Variants in KLF12 observed in about 807,000 individuals in gnomAD.
KLF12 encodes KLF transcription factor 12.
Under a neutral mutation model 37.8 loss-of-function variants are expected in KLF12, and 9 were observed. That is an observed-to-expected ratio of 0.24 (90% confidence interval 0.14 to 0.42). The LOEUF (loss-of-function observed/expected upper bound fraction) is 0.42, where lower values mean the gene tolerates loss of function less well. Ranked by LOEUF, KLF12 falls within the 10% of genes least tolerant of loss-of-function variation. The probability of loss-of-function intolerance (pLI) is 1.00; values close to 1 mark genes in which losing one functional copy is unlikely to be tolerated. For missense variants in KLF12, 411 were observed against 516.0 expected, an observed-to-expected ratio of 0.80 and a Z score of 1.97; for synonymous variants, 208 against 202.1, an observed-to-expected ratio of 1.03 and a Z score of -0.25.
intron 3 of KLF12, among the ~76,000 whole-genome samples, chr13:73,879,711 T>G (rs1392996161): frequency 1.3e-5 from 2 of 152,150 alleles, no homozygotes; most frequent in Non-Finnish European, 2.9e-5. Context: ...CAACACAATC[T>G]CTACAACAGA....
intron 1 of KLF12, among the ~76,000 whole-genome samples, chr13:74,059,246 A>G (rs191713294): frequency 1.3e-5 from 2 of 152,342 alleles, no homozygotes; most frequent in East Asian, 3.9e-4. Context: ...TGCGATAAAC[A>G]CACAAGAGCA....
At chr13:74,045,628 GA>G (rs71115631) in intron 1 of KLF12, among the ~76,000 whole-genome samples, 104,729 of 146,650 alleles carry the variant, frequency 0.71, 37,103 homozygotes, top group East Asian at 0.9. Flanking sequence ...TGACGAAAAT[GA>G]AAAAAAAAAA....
At chr13:74,192,954 C>T in the KLF12 span, among the ~76,000 whole-genome samples, 2 of 151,212 alleles carry the variant, frequency 1.3e-5, no homozygotes, top group Admixed American at 1.3e-4. Context: ...AGATTGAAAG[C>T]TCTTTCTTTT....
chr13:73,796,507 C>CTGTGTGTGTGTG (rs5804694), intron 5 of KLF12, among the ~76,000 whole-genome samples: 4,901 of 140,260 alleles, frequency 0.035, 111 homozygotes, highest in Middle Eastern at 0.061. Context: ...TGCCCCTGTG[C>CTGTGTGTGTGTG]TGTGTGTGTG....
intron 5 of KLF12, among the ~76,000 whole-genome samples, chr13:73,795,962 C>T (rs1183511146): frequency 1.3e-5 from 2 of 152,188 alleles, no homozygotes; most frequent in Non-Finnish European, 2.9e-5. Flanking sequence ...AAAAATAACT[C>T]TGGCATATAC....
intron 6 of KLF12, among the ~76,000 whole-genome samples, chr13:73,720,009 G>C (rs538027917): frequency 4.6e-5 from 7 of 152,194 alleles, no homozygotes; most frequent in African/African-American, 1.2e-4. Flanking sequence ...CTAAGTTCAA[G>C]AGCAGTGTGT....
chr13:74,293,491 A>G, the KLF12 span, among the ~76,000 whole-genome samples: 20 of 152,198 alleles, frequency 1.3e-4, no homozygotes, highest in Non-Finnish European at 2.6e-4. Flanking sequence ...ACACCTACAC[A>G]CATATTAATA....
At chr13:73,767,854 A>G (rs1315733841) in intron 5 of KLF12, among the ~76,000 whole-genome samples, 1 of 152,192 alleles carries the variant, frequency 6.6e-6, no homozygotes, top group African/African-American at 2.4e-5. Flanking sequence ...TAGTTAATCA[A>G]GAGAATACCA....
At chr13:74,013,579 T>C (rs1892605123) in intron 1 of KLF12, among the ~76,000 whole-genome samples, 1 of 152,202 alleles carries the variant, frequency 6.6e-6, no homozygotes, top group South Asian at 2.1e-4. Flanking sequence ...TGATATGTGT[T>C]GTACCATTCT....
the KLF12 span, among the ~76,000 whole-genome samples, chr13:74,201,153 G>C: frequency 6.6e-6 from 1 of 152,134 alleles, no homozygotes; most frequent in African/African-American, 2.4e-5. Flanking sequence ...ATCAAATAGA[G>C]AGCCTATTAG....
At chr13:74,009,130 C>T (rs1892484886) in intron 1 of KLF12, among the ~76,000 whole-genome samples, 1 of 152,136 alleles carries the variant, frequency 6.6e-6, no homozygotes. Flanking sequence ...AAGCACAGTT[C>T]AATAAAGCAC....
chr13:74,207,683 A>G, the KLF12 span, among the ~76,000 whole-genome samples: 1 of 152,116 alleles, frequency 6.6e-6, no homozygotes, highest in South Asian at 2.1e-4. Context: ...AAAAACAAAA[A>G]CAAAACAAAA....
chr13:74,273,459 T>C, the KLF12 span, among the ~76,000 whole-genome samples: 1 of 150,922 alleles, frequency 6.6e-6, no homozygotes, highest in Non-Finnish European at 1.5e-5. Flanking sequence ...TTTTTTTTTT[T>C]CTGGAGCATG....
intron 5 of KLF12, among the ~76,000 whole-genome samples, chr13:73,793,252 T>C (rs917486860): frequency 6.6e-6 from 1 of 152,222 alleles, no homozygotes; most frequent in Non-Finnish European, 1.5e-5. Flanking sequence ...GTCAGATGTG[T>C]GTGCGGTCTG....
intron 1 of KLF12, among the ~76,000 whole-genome samples, chr13:74,010,381 G>C (rs1352413392): frequency 2.0e-5 from 3 of 152,194 alleles, no homozygotes; most frequent in Non-Finnish European, 2.9e-5. Context: ...AATAATTGCA[G>C]AGTTCAGAGG....
At chr13:74,138,168 A>G (rs1338490182), upstream of KLF12, among the ~76,000 whole-genome samples, 2 of 152,272 alleles carry the variant, frequency 1.3e-5, no homozygotes, top group African/African-American at 4.8e-5. Context: ...GCTTTGGATT[A>G]GTGAAACCAT....
chr13:73,828,447 T>C (rs1883965661), intron 4 of KLF12, among the ~76,000 whole-genome samples: 1 of 152,234 alleles, frequency 6.6e-6, no homozygotes, highest in Non-Finnish European at 1.5e-5. Flanking sequence ...TTTTCTTTCA[T>C]GTTTTTGTCA....
At chr13:73,817,329 G>GAAAAA (rs1384942838) in intron 4 of KLF12, among the ~76,000 whole-genome samples, 5 of 82,070 alleles carry the variant, frequency 6.1e-5, no homozygotes, top group African/African-American at 2.2e-4. Context: ...AAAAAAAAAA[G>GAAAAA]AAAAGAAAAA....
At chr13:74,122,903 T>C (rs764448943) in intron 1 of KLF12, among the ~76,000 whole-genome samples, 4 of 139,266 alleles carry the variant, frequency 2.9e-5, no homozygotes, top group Non-Finnish European at 4.6e-5. Flanking sequence ...TATGGACTAA[T>C]GGAATGCTAG....
Sources: allele counts gnomAD v4.1 joint callset (sites outside exome capture counted in the v4.1 genomes callset), GRCh38; gene constraint gnomAD v4.1.1; transcripts MANE v1.5; gene names NCBI Gene and HGNC (gene_info 2026-07-23, HGNC 2026-07-21).